The following BMPER variants were observed in gnomAD, a reference collection of about 807,000 sequenced individuals.
The protein encoded by BMPER is BMP-binding endothelial regulator protein.
Under a neutral mutation model 87.3 loss-of-function variants are expected in BMPER, and 45 were observed. The observed-to-expected ratio is 0.52, with a 90% CI of 0.41 to 0.66. The LOEUF is 0.66. BMPER is among the 30% of genes least tolerant of loss of function. The pLI is 0.00. For missense variants in BMPER, 784 were observed against 867.5 expected (o/e 0.90, Z 1.21); for synonymous variants, 326 against 316.2 (o/e 1.03, Z -0.33).
At chr7:34,003,279 T>C (rs975642636) in intron 6 of BMPER, among the ~76,000 whole-genome samples, 2 of 151,898 alleles carry the variant, frequency 1.3e-5, no homozygotes, top group Admixed American at 1.3e-4. Flanking sequence ...GACCTGGAAA[T>C]TCTGGTTAAC....
At position 34,049,850 on chromosome 7, in the gene BMPER, T is replaced by C. The variant is rs886407346; in HGVS notation, c.677-2011T>C. Among the ~76,000 whole-genome samples, 11 of 152,282 alleles carry C rather than the reference T, an allele frequency of 7.2e-5. No individual in the cohort carries two copies. In the East Asian group the frequency reaches 1.5e-3, roughly 21 times the overall value. The stretch of plus-strand genomic sequence containing the variant: ...TGGACTGATTAAGAGGAAGATAATA[T>C]TTAAAGCAGTGAAAAATGACTTCAC... On this transcript the variant is annotated intron_variant, in intron 7 of 14. Coordinates refer to ENST00000649409, the MANE Select transcript of BMPER (RefSeq NM_001365308.1).
At chr7:34,133,831 C>T (rs1016574726) in intron 13 of BMPER, among the ~76,000 whole-genome samples, 18 of 151,942 alleles carry the variant, frequency 1.2e-4, no homozygotes, top group Admixed American at 9.8e-4. Flanking sequence ...TTTTGGTGAC[C>T]GAAGCTTTCT....
chr7:34,113,683 G>T (rs1790040706), intron 13 of BMPER, among the ~76,000 whole-genome samples: 1 of 152,008 alleles, frequency 6.6e-6, no homozygotes, highest in Non-Finnish European at 1.5e-5. Context: ...CAGGTAGCGT[G>T]CCACAGGCTT....
intron 2 of BMPER, among the ~76,000 whole-genome samples, chr7:33,918,440 C>A (rs1403617183): frequency 6.6e-6 from 1 of 152,230 alleles, no homozygotes; most frequent in Non-Finnish European, 1.5e-5. Context: ...TCCAGTAAAG[C>A]CTGCCTCATT....
intron 13 of BMPER, among the ~76,000 whole-genome samples, chr7:34,112,010 T>C (rs1789978797): frequency 6.6e-6 from 1 of 152,170 alleles, no homozygotes; most frequent in Non-Finnish European, 1.5e-5. Context: ...ATTATCTAAA[T>C]GGTTACAAAA....
chr7:33,944,168 T>A (rs963176867), intron 3 of BMPER, among the ~76,000 whole-genome samples: 1 of 151,774 alleles, frequency 6.6e-6, no homozygotes, highest in Non-Finnish European at 1.5e-5. Flanking sequence ...ATTTTTTAAT[T>A]TATTATTATT....
intron 3 of BMPER, among the ~76,000 whole-genome samples, chr7:33,946,777 G>T (rs1784903791): frequency 6.6e-6 from 1 of 152,198 alleles, no homozygotes; most frequent in East Asian, 1.9e-4. Context: ...CTTAAGGACA[G>T]AAATATGAAA....
chr7:33,921,320 TG>T (rs1784224269), intron 2 of BMPER, among the ~76,000 whole-genome samples: 1 of 152,242 alleles, frequency 6.6e-6, no homozygotes, highest in East Asian at 1.9e-4. Context: ...AAAGCCACCC[TG>T]TGAGGTAGCG....
chr7:34,025,489 A>C (rs1787334259), intron 6 of BMPER, among the ~76,000 whole-genome samples: 1 of 151,976 alleles, frequency 6.6e-6, no homozygotes, highest in Non-Finnish European at 1.5e-5. Context: ...CATGGTATTC[A>C]CACATCCAGC....
chr7:33,926,382 T>TA (rs1482710866), intron 2 of BMPER, among the ~76,000 whole-genome samples: 1 of 152,224 alleles, frequency 6.6e-6, no homozygotes, highest in Non-Finnish European at 1.5e-5. Flanking sequence ...GAACCCTTGT[T>TA]AAAATTAATG....
chr7:33,909,397 C>T (rs1198298749), intron 2 of BMPER, among the ~76,000 whole-genome samples: 1 of 152,084 alleles, frequency 6.6e-6, no homozygotes, highest in East Asian at 1.9e-4. Context: ...TTTTGGCGTT[C>T]CTTGGGTTAT....
At chr7:33,972,151 C>A (rs944136765) in intron 5 of BMPER, among the ~76,000 whole-genome samples, 2 of 152,172 alleles carry the variant, frequency 1.3e-5, no homozygotes, top group African/African-American at 4.8e-5. Flanking sequence ...GGTCCACCCT[C>A]CTTGGCCTCC....
At chr7:34,098,875 G>C (rs1378624661) in intron 13 of BMPER, among the ~76,000 whole-genome samples, 1 of 152,116 alleles carries the variant, frequency 6.6e-6, no homozygotes, top group Non-Finnish European at 1.5e-5. Flanking sequence ...AGCTGAGTTT[G>C]GTATTTACTT....
chr7:34,096,791 A>G (rs1172571055), intron 13 of BMPER, among the ~76,000 whole-genome samples: 1 of 152,234 alleles, frequency 6.6e-6, no homozygotes, highest in Non-Finnish European at 1.5e-5. Context: ...TCTTTTCTAG[A>G]TTAATGGTCA....
intron 13 of BMPER, among the ~76,000 whole-genome samples, chr7:34,111,561 G>A (rs1049241415): frequency 3.3e-5 from 5 of 152,146 alleles, no homozygotes; most frequent in African/African-American, 1.2e-4. Context: ...TTGAATCTCA[G>A]CTGGCATTCG....
chr7:34,004,734 G>A lies in BMPER; in HGVS notation c.576+29950G>A, dbSNP rs139304202. Among the ~76,000 whole-genome samples the A allele has an allele frequency of 1.8e-4, 28 of 152,218 alleles. 1 individual carries two copies. In the East Asian group the frequency reaches 4.8e-3, roughly 26 times the overall value. ...TTCCGTAAATGTCTTGAACCAGTAC[G>A]ACTCCCAACCTTTGCCAAAGGGCTC... is the stretch of plus-strand genomic sequence containing the variant. On this transcript the variant is annotated intron_variant, in intron 6 of 14. Transcript: ENST00000649409.
At chr7:33,956,658 G>A (rs1270263083) in intron 3 of BMPER, among the ~76,000 whole-genome samples, 1 of 152,076 alleles carries the variant, frequency 6.6e-6, no homozygotes, top group Non-Finnish European at 1.5e-5. Context: ...TTAATGTGAT[G>A]AGGATGAAGA....
rs563102688 is a variant in BMPER, at chr7:33,923,630, C to T, written c.220-13659C>T. On this transcript the variant is annotated intron_variant, in intron 2 of 14. Transcript: ENST00000649409. ...ATCTTGGTCCCTAAAATACCTGGCA[C>T]AGTGGCAGGTGCTGATAGAAGGTGA... Among the ~76,000 whole-genome samples, 8 of 152,248 alleles carry T rather than the reference C, an allele frequency of 5.3e-5. No individual in the cohort carries two copies. The South Asian group carries it at 1.2e-3, about 24-fold the overall frequency.
intron 13 of BMPER, among the ~76,000 whole-genome samples, chr7:34,099,260 C>T (rs184138446): frequency 2.6e-5 from 4 of 152,300 alleles, no homozygotes; most frequent in Admixed American, 6.5e-5. Context: ...CTGTTTGACC[C>T]GGGCAGCACT....
Sources: gnomAD v4.1 joint callset for allele counts (sites outside exome capture counted in the v4.1 genomes callset) on GRCh38, gnomAD v4.1.1 for gene constraint, MANE v1.5 for transcripts, NCBI Gene and HGNC (gene_info 2026-07-23, HGNC 2026-07-21) for gene names.